The following PRKG1 variants were observed in gnomAD, a reference collection of about 807,000 sequenced individuals.
PRKG1 encodes the protein cGMP-dependent protein kinase 1.
Under a neutral mutation model 88.1 loss-of-function variants are expected in PRKG1, and 35 were observed. That is an observed-to-expected ratio of 0.40 (90% CI 0.30 to 0.53). The LOEUF (loss-of-function observed/expected upper bound fraction) is 0.53, where lower values mean the gene tolerates loss of function less well. Ranked by LOEUF, PRKG1 falls within the 20% of genes least tolerant of loss-of-function variation. The pLI is 0.59. For missense variants in PRKG1, 540 were observed against 839.8 expected (o/e 0.64, Z 4.41); for synonymous variants, 303 against 292.5 (o/e 1.04, Z -0.37).
chr10:51,189,788 A>G (rs1837585093), intron 2 of PRKG1, among the ~76,000 whole-genome samples: 1 of 151,998 alleles, frequency 6.6e-6, no homozygotes, highest in Admixed American at 6.6e-5. Context: ...TAAACAATAA[A>G]TGAATATGCA....
chr10:51,848,195 C>T (rs1015681218), intron 4 of PRKG1, among the ~76,000 whole-genome samples: 1 of 152,076 alleles, frequency 6.6e-6, no homozygotes. Context: ...ACAGGTATTG[C>T]AAGTTGGATA....
At chr10:51,261,767 T>A (rs1839712151) in intron 2 of PRKG1, among the ~76,000 whole-genome samples, 1 of 151,934 alleles carries the variant, frequency 6.6e-6, no homozygotes, top group Non-Finnish European at 1.5e-5. Flanking sequence ...AGTATGTGAC[T>A]GAAGGTGGGG....
intron 7 of PRKG1, among the ~76,000 whole-genome samples, chr10:52,081,014 C>T (rs1564460469): frequency 3.9e-5 from 6 of 152,158 alleles, no homozygotes. Context: ...TCAACTTCTC[C>T]CTGTGTTCAG....
chr10:51,924,045 T>C (rs1478512899), intron 5 of PRKG1, among the ~76,000 whole-genome samples: 2 of 152,066 alleles, frequency 1.3e-5, no homozygotes, highest in Non-Finnish European at 2.9e-5. Context: ...CCCAGGCTGG[T>C]CTTGAACTCC....
At chr10:51,479,895 C>A (rs1189899115) in intron 3 of PRKG1, among the ~76,000 whole-genome samples, 1 of 151,948 alleles carries the variant, frequency 6.6e-6, no homozygotes, top group South Asian at 2.1e-4. Context: ...TGATGACAGT[C>A]TGGCATTCTG....
chr10:51,253,486 G>A (rs979672755), intron 2 of PRKG1, among the ~76,000 whole-genome samples: 1 of 151,806 alleles, frequency 6.6e-6, no homozygotes, highest in African/African-American at 2.4e-5. Flanking sequence ...AAGGTATCCA[G>A]TCTGATTTTG....
chr10:51,416,198 T>A (rs1238805929), intron 2 of PRKG1, among the ~76,000 whole-genome samples: 1 of 152,090 alleles, frequency 6.6e-6, no homozygotes, highest in African/African-American at 2.4e-5. Context: ...AGAAAAAAAT[T>A]GTCTTTCTAA....
intron 3 of PRKG1, among the ~76,000 whole-genome samples, chr10:51,632,666 T>C (rs1483984994): frequency 2.0e-5 from 3 of 152,184 alleles, no homozygotes; most frequent in Admixed American, 2.0e-4. Context: ...ATTTTTTAGA[T>C]TGAGTATAAA....
chr10:52,054,620 C>T lies in PRKG1; in HGVS notation c.840+59C>T, dbSNP rs1368586422. The T allele has an allele frequency of 2.1e-6, 3 of 1,434,258 alleles. No individual in the cohort carries two copies. The Admixed American group carries it at 5.0e-5, about 24-fold the overall frequency. 88.8% of individuals were successfully genotyped at this position (1,434,258 alleles called of 1,614,324 possible). A position where few individuals can be genotyped will look rare whatever the true frequency, so the allele number is the denominator to read the frequency against. ...AGGGGAGCCTGGGGTTGGTTAGTAACTCCAGTAGGAACACATGCAGAGTCT... is the reference window on the plus strand; with the variant it reads ...AGGGGAGCCTGGGGTTGGTTAGTAATTCCAGTAGGAACACATGCAGAGTCT... On this transcript the variant is annotated intron_variant, in intron 6 of 17. Coordinates refer to ENST00000373980, the MANE Select transcript of PRKG1 (RefSeq NM_006258.4).
chr10:51,955,030 T>C (rs188761777), intron 5 of PRKG1, among the ~76,000 whole-genome samples: 61 of 151,228 alleles, frequency 4.0e-4, no homozygotes, highest in African/African-American at 1.4e-3. Flanking sequence ...ATTTCTTACA[T>C]CTATCACTTT....
intron 2 of PRKG1, among the ~76,000 whole-genome samples, chr10:51,183,426 A>G (rs1837403423): frequency 6.6e-6 from 1 of 152,188 alleles, no homozygotes; most frequent in Admixed American, 6.5e-5. Context: ...GCTCACCTTA[A>G]GCATTCTTCT....
At chr10:51,721,658 A>T (rs2132452144) in intron 3 of PRKG1, among the ~76,000 whole-genome samples, 1 of 152,332 alleles carries the variant, frequency 6.6e-6, no homozygotes, top group African/African-American at 2.4e-5. Context: ...AATATAATTA[A>T]TAAGCATATA....
chr10:51,235,329 C>T (rs1838956060), intron 2 of PRKG1, among the ~76,000 whole-genome samples: 1 of 152,142 alleles, frequency 6.6e-6, no homozygotes, highest in South Asian at 2.1e-4. Context: ...TTTTCTTTCA[C>T]CAAATATTTA....
intron 2 of PRKG1, among the ~76,000 whole-genome samples, chr10:51,209,713 T>G (rs1447910733): frequency 6.6e-6 from 1 of 152,172 alleles, no homozygotes; most frequent in Non-Finnish European, 1.5e-5. Flanking sequence ...TAATAAGGCA[T>G]GAAAGCAAAA....
At chr10:51,181,707 G>A (rs958478563) in intron 2 of PRKG1, among the ~76,000 whole-genome samples, 19 of 152,140 alleles carry the variant, frequency 1.2e-4, no homozygotes, top group African/African-American at 3.9e-4. Flanking sequence ...TACCCTCACA[G>A]CATCCCTAAA....
At chr10:52,287,894 G>C (rs1209939074) in intron 14 of PRKG1, among the ~76,000 whole-genome samples, 6 of 151,930 alleles carry the variant, frequency 3.9e-5, no homozygotes, top group African/African-American at 1.4e-4. Context: ...GTATGTACAT[G>C]CTGCAAACTC....
chr10:51,283,603 G>A (rs1840357883), intron 2 of PRKG1, among the ~76,000 whole-genome samples: 1 of 152,100 alleles, frequency 6.6e-6, no homozygotes, highest in African/African-American at 2.4e-5. Flanking sequence ...TTAGGGTGGT[G>A]GGACAAGACT....
At chr10:52,073,517 C>T (rs1306657056) in intron 7 of PRKG1, among the ~76,000 whole-genome samples, 1 of 152,170 alleles carries the variant, frequency 6.6e-6, no homozygotes, top group African/African-American at 2.4e-5. Context: ...CTGTTAGGTC[C>T]TCATCATCCC....
chr10:52,137,473 A>T (rs944561473), intron 8 of PRKG1, among the ~76,000 whole-genome samples: 10 of 152,234 alleles, frequency 6.6e-5, no homozygotes, highest in African/African-American at 2.4e-4. Flanking sequence ...GAAAAGAAAT[A>T]AATATAAAAC....
Sources: allele counts gnomAD v4.1 joint callset (sites outside exome capture counted in the v4.1 genomes callset), GRCh38; gene constraint gnomAD v4.1.1; transcripts MANE v1.5; gene names NCBI Gene and HGNC (gene_info 2026-07-23, HGNC 2026-07-21).